VAV3: variants seen among roughly 807,000 people sequenced by gnomAD.
VAV3 encodes guanine nucleotide exchange factor VAV3.
Under a neutral mutation model 131.2 loss-of-function variants are expected in VAV3, and 94 were observed. That is an observed-to-expected ratio of 0.72 (90% CI 0.61 to 0.85). The LOEUF is 0.85. VAV3 is among the 40% of genes least tolerant of loss of function. The pLI, the probability that VAV3 is intolerant of heterozygous loss-of-function variation, is 0.00. For missense variants in VAV3, 939 were observed against 1,002.7 expected, an observed-to-expected ratio of 0.94 and a Z score of 0.86; for synonymous variants, 349 against 342.0, an observed-to-expected ratio of 1.02 and a Z score of -0.22.
At chr1:107,779,357 C>T in intron 3 of VAV3, 77 bp downstream of exon 3, 1 of 1,352,908 alleles carries the variant, frequency 7.4e-7, no homozygotes, top group East Asian at 2.6e-5. Context: ...CAAGATGCTT[C>T]ACAAATAGTA....
At chr1:107,779,975 C>T (rs1181073304) in intron 2 of VAV3, among the ~76,000 whole-genome samples, 1 of 152,208 alleles carries the variant, frequency 6.6e-6, no homozygotes, top group Non-Finnish European at 1.5e-5. Context: ...CTGTAATGAA[C>T]TACACAGTTA....
rs115801896 is a variant in VAV3 at position 107,847,694 on chromosome 1, C to A, written c.321+27207G>T. Among the ~76,000 whole-genome samples, 1,139 of 152,184 alleles carry A rather than the reference C, an allele frequency of 7.5e-3. 14 individuals are homozygous for A. The highest frequency in any genetic ancestry group is 0.017 in the African/African-American group (693 of 41,516). ...GAAGAAATGGGTAAATTTCTGGAAA[C>A]ATACACCCTCCCAAGACTAAACCAG... On this transcript the variant is annotated intron_variant, in intron 2 of 26. Transcript: ENST00000370056.
intron 4 of VAV3, among the ~76,000 whole-genome samples, chr1:107,775,881 C>T (rs1665328165): frequency 2.0e-5 from 3 of 152,160 alleles, no homozygotes; most frequent in Non-Finnish European, 4.4e-5. Context: ...TGCTCACCCC[C>T]TCTACTCTTC....
At chr1:107,905,641 C>G (rs1672070343) in intron 1 of VAV3, among the ~76,000 whole-genome samples, 1 of 152,106 alleles carries the variant, frequency 6.6e-6, no homozygotes, top group South Asian at 2.1e-4. Flanking sequence ...CTTTAAAAGG[C>G]ATTATTTATA....
chr1:107,576,280 G>A lies in VAV3; in HGVS notation c.2351-2082C>T, dbSNP rs748248100. 2.1e-5 allele frequency: 18 copies of A among 848,034 alleles called. 1 individual carries two copies. The highest frequency in any genetic ancestry group is 2.9e-5 in the Non-Finnish European group (17 of 585,774). The allele number at this position is 848,034 out of a possible 1,614,324, so 52.5% of individuals were successfully genotyped here. A position where few individuals can be genotyped will look rare whatever the true frequency, so the allele number is the denominator to read the frequency against. ...AGTGCATGGTGGTAATGGAACTCGAGGGATTGTCTGTGAGGAGATGTATCC... is the reference window on the plus strand; with the variant it reads ...AGTGCATGGTGGTAATGGAACTCGAAGGATTGTCTGTGAGGAGATGTATCC... On this transcript the variant is annotated intron_variant, in intron 25 of 26. Transcript: ENST00000370056.
chr1:107,833,734 G>A (rs1668359657), intron 2 of VAV3, among the ~76,000 whole-genome samples: 1 of 152,168 alleles, frequency 6.6e-6, no homozygotes, highest in African/African-American at 2.4e-5. Flanking sequence ...ACCCCACCAA[G>A]CAATAGTGAA....
intron 19 of VAV3, among the ~76,000 whole-genome samples, chr1:107,666,375 C>T (rs912633247): frequency 6.6e-6 from 1 of 152,074 alleles, no homozygotes; most frequent in Non-Finnish European, 1.5e-5. Context: ...GCCAGAGTGA[C>T]CTGAAGCAAG....
In VAV3 at chr1:107,761,365, C is replaced by T. The variant is rs190628549; in HGVS notation, c.922-486G>A. Among the ~76,000 whole-genome samples the T allele has an allele frequency of 6.0e-3, 886 of 147,932 alleles. 13 individuals are homozygous for T. Among genetic ancestry groups the T allele is most frequent in the African/African-American group, 0.021 (849 of 40,030 alleles). On this transcript the variant is annotated intron_variant, in intron 9 of 26. Transcript: ENST00000370056. ...CTGAGATGGTGTCACTGCACTCCAGCCTGGGTGACAGAGTGAGACTCCGTC... is the reference window on the plus strand; with the variant it reads ...CTGAGATGGTGTCACTGCACTCCAGTCTGGGTGACAGAGTGAGACTCCGTC...
In VAV3 at chr1:107,571,262, G is replaced by A. The variant is rs1218335995; in HGVS notation, c.*2069C>T. 6.6e-6 allele frequency: 1 copy of A among 152,660 alleles called. No homozygotes were observed. The highest frequency in any genetic ancestry group is 2.4e-5 in the African/African-American group (1 of 41,460). 9.5% of individuals were successfully genotyped at this position (152,660 alleles called of 1,614,324 possible). ...TTACACGAGGGCTGCATACAGGCAA[G>A]ACAAAGTATATGGAAAACATTTACT... On this transcript the variant is annotated 3_prime_UTR_variant, in exon 27 of 27. Coordinates refer to ENST00000370056, the MANE Select transcript of VAV3 (RefSeq NM_006113.5).
At chr1:107,785,430 A>AAGGAATT in intron 2 of VAV3, 1 of 1,332,630 alleles carries the variant, frequency 7.5e-7, no homozygotes, top group South Asian at 1.2e-5. Context: ...CTGGGTTCAA[A>AAGGAATT]AGGAATTCCG....
chr1:107,626,441 C>T (rs1037306602), intron 20 of VAV3, among the ~76,000 whole-genome samples: 4 of 152,154 alleles, frequency 2.6e-5, no homozygotes, highest in South Asian at 4.1e-4. Context: ...TATTTACAGG[C>T]AAATACCTGT....
intron 2 of VAV3, among the ~76,000 whole-genome samples, chr1:107,872,712 T>C (rs1228566948): frequency 1.3e-5 from 2 of 152,184 alleles, no homozygotes; most frequent in Non-Finnish European, 2.9e-5. Context: ...ATGTGAATGT[T>C]TGCACTATGG....
At chr1:107,721,218 G>A (rs1450773217) in intron 15 of VAV3, among the ~76,000 whole-genome samples, 13 of 152,174 alleles carry the variant, frequency 8.5e-5, no homozygotes, top group Admixed American at 8.5e-4. Context: ...CAGCTATGGT[G>A]GGGGAGGAAA....
chr1:107,635,170 T>C (rs1489738862), intron 20 of VAV3, among the ~76,000 whole-genome samples: 5 of 152,174 alleles, frequency 3.3e-5, no homozygotes, highest in East Asian at 1.9e-4. Context: ...CACATGCACA[T>C]GTATGTTTAT....
chr1:107,927,813 C>T (rs1245709073), intron 1 of VAV3, among the ~76,000 whole-genome samples: 1 of 152,170 alleles, frequency 6.6e-6, no homozygotes, highest in Non-Finnish European at 1.5e-5. Flanking sequence ...TCCCTGGCTC[C>T]CAGATGATAC....
chr1:107,814,774 C>A (rs1163641142), intron 2 of VAV3, among the ~76,000 whole-genome samples: 1 of 152,088 alleles, frequency 6.6e-6, no homozygotes, highest in Non-Finnish European at 1.5e-5. Flanking sequence ...GAAAACAGTG[C>A]TTATGGAAGA....
At chr1:107,848,620 C>T (rs1669082559) in intron 2 of VAV3, among the ~76,000 whole-genome samples, 1 of 152,138 alleles carries the variant, frequency 6.6e-6, no homozygotes, top group South Asian at 2.1e-4. Context: ...CAATATCATA[C>T]TGAATGGGCA....
At position 107,888,840 on chromosome 1, in the gene VAV3, G is replaced by C. The variant is rs547693281; in HGVS notation, c.205-13823C>G. 2.6e-5 allele frequency among the ~76,000 whole-genome samples: 4 copies of C among 152,076 alleles called. No individual in the cohort carries two copies. The South Asian group carries it at 8.3e-4, about 32-fold the overall frequency. The stretch of plus-strand genomic sequence containing the variant: ...TGTACTAAATTACATTCTATTTTCT[G>C]TCTATATTTCTACCTAATTGATATT... On this transcript the variant is annotated intron_variant, in intron 1 of 26. Transcript: ENST00000370056.
intron 19 of VAV3, among the ~76,000 whole-genome samples, chr1:107,677,655 T>C (rs1183610430): frequency 1.3e-5 from 2 of 152,232 alleles, no homozygotes; most frequent in African/African-American, 4.8e-5. Flanking sequence ...CTTTATCTTC[T>C]AAAACATAAC....
Sources: allele counts gnomAD v4.1 joint callset (sites outside exome capture counted in the v4.1 genomes callset), GRCh38; gene constraint gnomAD v4.1.1; transcripts MANE v1.5; gene names NCBI Gene and HGNC (gene_info 2026-07-23, HGNC 2026-07-21).